The following PPP3CA variants were observed in gnomAD, a reference collection of about 807,000 sequenced individuals.
PPP3CA encodes the protein CAM-PRP catalytic subunit.
In PPP3CA, 14 loss-of-function variants were observed where a neutral mutation model predicts 66.5. The ratio of observed to expected loss-of-function variants is 0.21; its 90% CI spans 0.14 to 0.33. The LOEUF (loss-of-function observed/expected upper bound fraction) is 0.33, where lower values mean the gene tolerates loss of function less well. PPP3CA is among the 10% of genes least tolerant of loss of function. The probability of loss-of-function intolerance (pLI) is 1.00; values close to 1 mark genes in which losing one functional copy is unlikely to be tolerated. For missense variants in PPP3CA, 317 were observed against 639.5 expected, an observed-to-expected ratio of 0.50 and a Z score of 5.44; for synonymous variants, 232 against 226.2, an observed-to-expected ratio of 1.03 and a Z score of -0.23.
At chr4:101,052,605 TA>T (rs910280146) in intron 10 of PPP3CA, among the ~76,000 whole-genome samples, 5 of 149,564 alleles carry the variant, frequency 3.3e-5, no homozygotes, top group East Asian at 1.9e-4. Flanking sequence ...GGGAAAACAA[TA>T]AAAAAAAAGC....
intron 10 of PPP3CA, among the ~76,000 whole-genome samples, chr4:101,060,637 A>G (rs1338206273): frequency 6.6e-6 from 1 of 152,174 alleles, no homozygotes; most frequent in African/African-American, 2.4e-5. Context: ...GGATTGAAAT[A>G]AATACCAATA....
intron 2 of PPP3CA, among the ~76,000 whole-genome samples, chr4:101,133,794 C>A (rs1032214618): frequency 1.3e-5 from 2 of 152,142 alleles, no homozygotes; most frequent in African/African-American, 4.8e-5. Context: ...CCAAGACAAT[C>A]CTAAGCAAAA....
chr4:101,054,893 C>T (rs1309625320), intron 10 of PPP3CA, among the ~76,000 whole-genome samples: 10 of 152,192 alleles, frequency 6.6e-5, no homozygotes, highest in African/African-American at 1.9e-4. Flanking sequence ...AAAGCAGACA[C>T]ATAAATTCTA....
chr4:101,236,199 GAAAC>G (rs1726123625), intron 1 of PPP3CA, among the ~76,000 whole-genome samples: 1 of 151,916 alleles, frequency 6.6e-6, no homozygotes, highest in African/African-American at 2.4e-5. Flanking sequence ...AGTAAAAAGG[GAAAC>G]AAACTTTAAA....
intron 1 of PPP3CA, among the ~76,000 whole-genome samples, chr4:101,278,137 A>T (rs1340830533): frequency 2.6e-4 from 34 of 132,816 alleles, no homozygotes; most frequent in South Asian, 4.2e-4. Context: ...AAAAAAAAAA[A>T]AATAAAAAAA....
intron 1 of PPP3CA, among the ~76,000 whole-genome samples, chr4:101,246,061 G>A (rs1199657932): frequency 1.3e-5 from 2 of 152,056 alleles, no homozygotes; most frequent in African/African-American, 4.8e-5. Flanking sequence ...CGTCAACCAT[G>A]AAATCTTCCA....
intron 1 of PPP3CA, among the ~76,000 whole-genome samples, chr4:101,241,275 A>G (rs1321092266): frequency 6.6e-6 from 1 of 152,152 alleles, no homozygotes; most frequent in Non-Finnish European, 1.5e-5. Context: ...TGCTTCATCT[A>G]TAAACCAGCA....
At chr4:101,117,442 A>ATTCT (rs58221523) in intron 2 of PPP3CA, among the ~76,000 whole-genome samples, 135,356 of 148,478 alleles carry the variant, frequency 0.91, 61,236 homozygotes, top group Middle Eastern at 0.97. Context: ...CACCACTGAG[A>ATTCT]TTTTTTTTTG....
intron 1 of PPP3CA, among the ~76,000 whole-genome samples, chr4:101,331,839 T>A (rs1729397709): frequency 6.6e-6 from 1 of 152,188 alleles, no homozygotes; most frequent in Admixed American, 6.5e-5. Context: ...ATATTATAAA[T>A]ATTTTCAGAA....
intron 2 of PPP3CA, among the ~76,000 whole-genome samples, chr4:101,161,859 A>G (rs1441868555): frequency 2.0e-5 from 3 of 152,182 alleles, no homozygotes; most frequent in Admixed American, 2.0e-4. Context: ...AGGCAAAGTG[A>G]TCATTTTGTC....
intron 1 of PPP3CA, among the ~76,000 whole-genome samples, chr4:101,202,154 A>G (rs1724985206): frequency 6.6e-6 from 1 of 152,154 alleles, no homozygotes; most frequent in Non-Finnish European, 1.5e-5. Flanking sequence ...AATTCTTGGA[A>G]ACTCTTTGAT....
At chr4:101,201,804 AC>A (rs1422904235) in intron 1 of PPP3CA, among the ~76,000 whole-genome samples, 4 of 152,228 alleles carry the variant, frequency 2.6e-5, no homozygotes, top group African/African-American at 9.6e-5. Context: ...AGATTGGAAC[AC>A]CATCTATTCC....
intron 10 of PPP3CA, among the ~76,000 whole-genome samples, chr4:101,052,866 A>T (rs1258960555): frequency 6.6e-6 from 1 of 152,092 alleles, no homozygotes; most frequent in Non-Finnish European, 1.5e-5. Context: ...AGAAGTAGAA[A>T]AAGAAAGATG....
Position 101,244,534 on chromosome 4 carries a change from T to C in PPP3CA, c.59-48418A>G, listed in dbSNP as rs551105424. On this transcript the variant is annotated intron_variant, in intron 1 of 13. Coordinates refer to ENST00000394854, the MANE Select transcript of PPP3CA (RefSeq NM_000944.5). The stretch of plus-strand genomic sequence containing the variant: ...CAAGTGAGAAACAATTTCCTCACCA[T>C]AGTGCTAATGAGGACTGACTAACAG... Among the ~76,000 whole-genome samples the C allele has an allele frequency of 3.9e-5, 6 of 152,280 alleles. No homozygotes were observed. The South Asian group carries it at 1.2e-3, about 32-fold the overall frequency.
intron 2 of PPP3CA, among the ~76,000 whole-genome samples, chr4:101,123,833 C>T (rs886561355): frequency 6.6e-6 from 1 of 152,126 alleles, no homozygotes; most frequent in East Asian, 1.9e-4. Context: ...CCTATCTAAG[C>T]CTCAAGTTCT....
chr4:101,120,748 A>C (rs1251061568), intron 2 of PPP3CA, among the ~76,000 whole-genome samples: 1 of 152,068 alleles, frequency 6.6e-6, no homozygotes, highest in African/African-American at 2.4e-5. Flanking sequence ...TGAAGACACT[A>C]TATAAAAGTT....
chr4:101,154,970 C>G (rs1412682334), intron 2 of PPP3CA, among the ~76,000 whole-genome samples: 1 of 151,958 alleles, frequency 6.6e-6, no homozygotes, highest in Non-Finnish European at 1.5e-5. Context: ...GTGCCTGCCA[C>G]CACACCCAGC....
At chr4:101,106,449 GAAAGAGAAAAGAAAAGAAA>G (rs1730719448) in intron 3 of PPP3CA, among the ~76,000 whole-genome samples, 1 of 5,548 alleles carries the variant, frequency 1.8e-4, no homozygotes, top group Non-Finnish European at 5.3e-4. Context: ...AAGAAAGAAA[GAAAGAGAAAAGAAAAGAAA>G]AGAAAAGAAA....
intron 6 of PPP3CA, among the ~76,000 whole-genome samples, chr4:101,088,584 CAAAAA>C (rs1174497803): frequency 6.2e-4 from 22 of 35,764 alleles, no homozygotes; most frequent in African/African-American, 1.3e-3. Context: ...GACTCCATCT[CAAAAA>C]AAAAAAAAAA....
Sources: gnomAD v4.1 joint callset for allele counts (sites outside exome capture counted in the v4.1 genomes callset) on GRCh38, gnomAD v4.1.1 for gene constraint, MANE v1.5 for transcripts, NCBI Gene and HGNC (gene_info 2026-07-23, HGNC 2026-07-21) for gene names.